Variants in FGGY observed in about 807,000 individuals in gnomAD.
FGGY encodes the protein FGGY carbohydrate kinase domain-containing protein.
In FGGY, 72 loss-of-function variants were observed where a neutral mutation model predicts 71.3. The ratio of observed to expected loss-of-function variants is 1.01; its 90% CI spans 0.84 to 1.23. FGGY has a LOEUF of 1.23. Among genes scored for constraint, FGGY ranks in the 50% most tolerant of loss-of-function variants. The pLI, the probability that FGGY is intolerant of heterozygous loss-of-function variation, is 0.00. For synonymous variants in FGGY, 251 were observed against 250.3 expected (o/e 1.00, Z -0.02); for missense variants, 668 against 682.3 (o/e 0.98, Z 0.23).
At chr1:59,485,351 G>GC (rs2093626261) in intron 6 of FGGY, among the ~76,000 whole-genome samples, 2 of 152,018 alleles carry the variant, frequency 1.3e-5, no homozygotes, top group Non-Finnish European at 2.9e-5. Context: ...TGTGTCCTGT[G>GC]GGATTCCTGA....
At chr1:59,508,247 G>C (rs676340) in intron 6 of FGGY, among the ~76,000 whole-genome samples, 7,410 of 152,242 alleles carry the variant, frequency 0.049, 606 homozygotes, top group African/African-American at 0.17. Flanking sequence ...GGCCCTAAGA[G>C]TCTTAGTTTT....
chr1:59,467,740 C>T (rs927467067), intron 6 of FGGY, among the ~76,000 whole-genome samples: 2 of 152,160 alleles, frequency 1.3e-5, no homozygotes, highest in Non-Finnish European at 2.9e-5. Flanking sequence ...CCCTATGAGA[C>T]TGTACTTTGG....
chr1:59,724,192 G>A (rs548839446), intron 14 of FGGY, among the ~76,000 whole-genome samples: 28 of 146,714 alleles, frequency 1.9e-4, no homozygotes, highest in African/African-American at 4.5e-4. Flanking sequence ...AAAATCCCCC[G>A]TGTTGGCCAG....
intron 14 of FGGY, among the ~76,000 whole-genome samples, chr1:59,692,838 C>G (rs1002357238): frequency 6.6e-6 from 1 of 152,174 alleles, no homozygotes; most frequent in African/African-American, 2.4e-5. Flanking sequence ...GTAAACCTCT[C>G]TCCTCTCCCG....
intron 14 of FGGY, among the ~76,000 whole-genome samples, chr1:59,725,449 A>C (rs2097934814): frequency 6.6e-6 from 1 of 152,144 alleles, no homozygotes; most frequent in African/African-American, 2.4e-5. Flanking sequence ...TATGTTGACT[A>C]ATGTAGATCT....
chr1:59,533,416 G>T (rs549598760), intron 7 of FGGY, among the ~76,000 whole-genome samples: 138 of 152,366 alleles, frequency 9.1e-4, no homozygotes, highest in African/African-American at 2.9e-3. Context: ...CTGCAGCGAG[G>T]CTGGGGGAGG....
intron 10 of FGGY, among the ~76,000 whole-genome samples, chr1:59,633,659 A>G (rs2096929706): frequency 6.6e-6 from 1 of 152,234 alleles, no homozygotes; most frequent in Non-Finnish European, 1.5e-5. Flanking sequence ...CTGATTGGAC[A>G]TTCTTAGTTG....
At chr1:59,670,245 G>T (rs2097365677) in intron 13 of FGGY, among the ~76,000 whole-genome samples, 2 of 152,142 alleles carry the variant, frequency 1.3e-5, no homozygotes, top group Non-Finnish European at 2.9e-5. Context: ...CTTCACCCAG[G>T]ACTCAGAGAA....
At chr1:59,647,629 C>T (rs1299892702) in intron 11 of FGGY, among the ~76,000 whole-genome samples, 1 of 152,032 alleles carries the variant, frequency 6.6e-6, no homozygotes, top group Non-Finnish European at 1.5e-5. Flanking sequence ...CTAATTTAGT[C>T]CCATGCAGTT....
At chr1:59,393,414 C>A (rs1318298122) in intron 5 of FGGY, 1 of 152,148 alleles carries the variant, frequency 6.6e-6, no homozygotes, top group African/African-American at 2.4e-5. Context: ...TCTTGCTAAT[C>A]CAAGGCAATG....
chr1:59,558,499 G>A lies in FGGY; in HGVS notation c.903+4272G>A, dbSNP rs138836617. On this transcript the variant is annotated intron_variant, in intron 8 of 15. Transcript: ENST00000303721. ...AAGTTTTATTAAGGATTTCAAAAGGGGAGGGGGTGCAAGAACAGGGAGTAG... is the reference window on the plus strand; with the variant it reads ...AAGTTTTATTAAGGATTTCAAAAGGAGAGGGGGTGCAAGAACAGGGAGTAG... Among the ~76,000 whole-genome samples, 258 of 152,224 alleles carry A rather than the reference G, an allele frequency of 1.7e-3. 4 individuals carry two copies. Among genetic ancestry groups the A allele is most frequent in the East Asian group, 0.016 (82 of 5,180 alleles).
intron 8 of FGGY, among the ~76,000 whole-genome samples, chr1:59,594,707 A>G (rs148557166): frequency 1.2e-3 from 189 of 152,340 alleles, no homozygotes; most frequent in African/African-American, 4.4e-3. Flanking sequence ...TGCAGGTGAG[A>G]GCCAAATTCT....
chr1:59,486,592 C>G (rs556423045), intron 6 of FGGY, among the ~76,000 whole-genome samples: 5 of 152,278 alleles, frequency 3.3e-5, no homozygotes, highest in African/African-American at 1.2e-4. Context: ...CGTCTGTGCT[C>G]CCCTGTCTTG....
At chr1:59,428,773 T>G (rs1231792667) in intron 5 of FGGY, among the ~76,000 whole-genome samples, 1 of 152,220 alleles carries the variant, frequency 6.6e-6, no homozygotes, top group Non-Finnish European at 1.5e-5. Context: ...AGCTGAGGAC[T>G]GCCCACCTCC....
intron 6 of FGGY, among the ~76,000 whole-genome samples, chr1:59,499,830 G>A (rs1027569957): frequency 6.6e-6 from 1 of 152,114 alleles, no homozygotes; most frequent in African/African-American, 2.4e-5. Context: ...TGCTATTAAA[G>A]TACAAGTGAG....
At chr1:59,514,600 C>T (rs746422284) in intron 7 of FGGY, among the ~76,000 whole-genome samples, 2 of 152,168 alleles carry the variant, frequency 1.3e-5, no homozygotes, top group Non-Finnish European at 2.9e-5. Flanking sequence ...TTGTATCTCC[C>T]AGAATTCCCA....
chr1:59,535,023 A>G (rs2095272951), intron 7 of FGGY, among the ~76,000 whole-genome samples: 2 of 152,090 alleles, frequency 1.3e-5, no homozygotes, highest in South Asian at 4.2e-4. Context: ...TCCAATTAAA[A>G]GACACAGACT....
Position 59,528,744 on chromosome 1 carries a change from T to A in FGGY, c.799+16305T>A, listed in dbSNP as rs186731751. Among the ~76,000 whole-genome samples the A allele has an allele frequency of 8.5e-3, 1,294 of 152,298 alleles. 11 individuals carry two copies. The highest frequency in any genetic ancestry group is 0.014 in the Non-Finnish European group (978 of 68,016). ...ATCAATAATATGAATGAAAACTTTA[T>A]ATGCCTTCTGGATTGAGGCCTCTCA... On this transcript the variant is annotated intron_variant, in intron 7 of 15. Transcript: ENST00000303721.
At chr1:59,515,275 G>A (rs1188264061) in intron 7 of FGGY, among the ~76,000 whole-genome samples, 1 of 151,996 alleles carries the variant, frequency 6.6e-6, no homozygotes, top group African/African-American at 2.4e-5. Flanking sequence ...CCTTTGTTTT[G>A]GCCAATTTCT....
Sources: gnomAD v4.1 joint callset for allele counts (sites outside exome capture counted in the v4.1 genomes callset) on GRCh38, gnomAD v4.1.1 for gene constraint, MANE v1.5 for transcripts, NCBI Gene and HGNC (gene_info 2026-07-23, HGNC 2026-07-21) for gene names.